The following YEATS4 variants were observed in gnomAD, a reference collection of about 807,000 sequenced individuals.
The protein encoded by YEATS4 is YEATS domain containing 4, also known as YEATS domain-containing protein 4.
Under a neutral mutation model 30.1 loss-of-function variants are expected in YEATS4, and 17 were observed. The observed-to-expected ratio is 0.56, with a 90% CI of 0.39 to 0.85. YEATS4 has a LOEUF of 0.85. Among genes scored for constraint, YEATS4 ranks in the 40% least tolerant of loss-of-function variants. The pLI, the probability that YEATS4 is intolerant of heterozygous loss-of-function variation, is 0.00. For synonymous variants in YEATS4, 85 were observed against 87.5 expected, an observed-to-expected ratio of 0.97 and a Z score of 0.16; for missense variants, 142 against 268.3, an observed-to-expected ratio of 0.53 and a Z score of 3.29.
the YEATS4 span, among the ~76,000 whole-genome samples, chr12:69,415,554 A>G: frequency 6.6e-6 from 1 of 152,208 alleles, no homozygotes; most frequent in Non-Finnish European, 1.5e-5. Context: ...AAGGGAGATC[A>G]TGTCTTAAAA....
Position 69,359,837 on chromosome 12 carries a change from C to T in YEATS4, c.-136C>T, listed in dbSNP as rs1371913744. 3.8e-6 allele frequency: 4 copies of T among 1,047,530 alleles called. No individual in the cohort carries two copies. The highest frequency in any genetic ancestry group is 4.9e-5 in the Admixed American group (2 of 40,970). 64.9% of individuals were successfully genotyped at this position (1,047,530 alleles called of 1,614,324 possible). On this transcript the variant is annotated 5_prime_UTR_variant, in exon 1 of 7. Coordinates refer to ENST00000247843, the MANE Select transcript of YEATS4 (RefSeq NM_006530.4). ...TGACGGTTACTCACCGCCGTGAGCC[C>T]AAGTAACTCGCCCTCCTTCGGCTAG...
chr12:69,413,533 G>A, the YEATS4 span, among the ~76,000 whole-genome samples: 8 of 84,498 alleles, frequency 9.5e-5, no homozygotes, highest in East Asian at 4.0e-4. Context: ...CCATCCCCCC[G>A]TCAATCTAAC....
At chr12:69,405,639 A>G in the YEATS4 span, among the ~76,000 whole-genome samples, 1 of 152,220 alleles carries the variant, frequency 6.6e-6, no homozygotes, top group Non-Finnish European at 1.5e-5. Context: ...CAGGCTGACT[A>G]CTAAGTGACT....
chr12:69,381,495 G>C (rs2092212631), intron 6 of YEATS4, among the ~76,000 whole-genome samples: 1 of 152,120 alleles, frequency 6.6e-6, no homozygotes, highest in African/African-American at 2.4e-5. Context: ...ACAGGGTCCT[G>C]AGGTGACATA....
At chr12:69,424,125 T>C in the YEATS4 span, among the ~76,000 whole-genome samples, 4 of 152,210 alleles carry the variant, frequency 2.6e-5, no homozygotes, top group African/African-American at 9.6e-5. Context: ...CCCTGGATTC[T>C]TGGTGACACT....
At chr12:69,402,708 TTTTC>T in the YEATS4 span, among the ~76,000 whole-genome samples, 2 of 149,766 alleles carry the variant, frequency 1.3e-5, no homozygotes, top group Non-Finnish European at 3.0e-5. Context: ...CCTTTGCTAT[TTTTC>T]TTTCTTTCTT....
At chr12:69,398,052 G>A in the YEATS4 span, among the ~76,000 whole-genome samples, 11 of 151,996 alleles carry the variant, frequency 7.2e-5, no homozygotes, top group South Asian at 4.1e-4. Flanking sequence ...AACACTCAAC[G>A]AATTAGTAAT....
the YEATS4 span, among the ~76,000 whole-genome samples, chr12:69,418,807 G>C: frequency 1.3e-5 from 2 of 151,908 alleles, no homozygotes; most frequent in African/African-American, 4.8e-5. Context: ...GCTTGAGCCA[G>C]GCATAGTGGT....
chr12:69,362,717 T>G (rs1875268098), intron 1 of YEATS4, 71 bp from the exon 2 acceptor site: 1 of 1,209,304 alleles, frequency 8.3e-7, no homozygotes, highest in Admixed American at 3.2e-5. Flanking sequence ...AAGCAAGTTT[T>G]CAGAGCTCTT....
At chr12:69,403,295 A>G in the YEATS4 span, among the ~76,000 whole-genome samples, 1 of 152,084 alleles carries the variant, frequency 6.6e-6, no homozygotes, top group Admixed American at 6.6e-5. Context: ...AGGGATTTGC[A>G]TCCAGGTGTG....
intron 4 of YEATS4, among the ~76,000 whole-genome samples, chr12:69,369,153 A>G (rs551185958): frequency 6.6e-6 from 1 of 152,320 alleles, no homozygotes; most frequent in African/African-American, 2.4e-5. Context: ...ACTGCTTTTT[A>G]ACAGTTACCT....
chr12:69,410,039 T>C, the YEATS4 span, among the ~76,000 whole-genome samples: 1 of 152,208 alleles, frequency 6.6e-6, no homozygotes, highest in Admixed American at 6.5e-5. Flanking sequence ...TCCAGAACTG[T>C]AAGAAAACTT....
chr12:69,410,252 C>T, the YEATS4 span, among the ~76,000 whole-genome samples: 1 of 152,128 alleles, frequency 6.6e-6, no homozygotes, highest in Non-Finnish European at 1.5e-5. Flanking sequence ...GCAGTCACTC[C>T]CTACTCCCAC....
chr12:69,365,963 G>A, intron 4 of YEATS4, 79 bp downstream of exon 4: 13 of 1,047,606 alleles, frequency 1.2e-5, no homozygotes, highest in South Asian at 1.8e-5. Flanking sequence ...AATGAATAGT[G>A]TTCATTCAGA....
chr12:69,387,186 A>G (rs1868262127), intron 6 of YEATS4, among the ~76,000 whole-genome samples: 1 of 152,254 alleles, frequency 6.6e-6, no homozygotes. Context: ...AGCAAAAGGA[A>G]AACAGATCAT....
intron 1 of YEATS4, among the ~76,000 whole-genome samples, chr12:69,362,042 G>C (rs1377450196): frequency 2.5e-5 from 1 of 39,436 alleles, no homozygotes. Flanking sequence ...TTTGGAGACA[G>C]AGGCTCGCTC....
At chr12:69,383,105 A>AT (rs74262420) in intron 6 of YEATS4, among the ~76,000 whole-genome samples, 1 of 152,070 alleles carries the variant, frequency 6.6e-6, no homozygotes, top group African/African-American at 2.4e-5. Context: ...TACAAAAAAA[A>AT]TTTTTTTAAT....
At chr12:69,382,126 G>T (rs1025658946) in intron 6 of YEATS4, among the ~76,000 whole-genome samples, 2 of 152,162 alleles carry the variant, frequency 1.3e-5, no homozygotes, top group South Asian at 2.1e-4. Flanking sequence ...TGAATAATCA[G>T]TCTCATTATA....
intron 6 of YEATS4, among the ~76,000 whole-genome samples, chr12:69,386,016 C>G (rs1035957294): frequency 1.3e-5 from 2 of 152,186 alleles, no homozygotes; most frequent in Non-Finnish European, 2.9e-5. Flanking sequence ...GCTGAACTGA[C>G]TTTATAAAAG....
Sources: allele counts gnomAD v4.1 joint callset (sites outside exome capture counted in the v4.1 genomes callset), GRCh38; gene constraint gnomAD v4.1.1; transcripts MANE v1.5; gene names NCBI Gene and HGNC (gene_info 2026-07-23, HGNC 2026-07-21).